TENM1: variants seen among roughly 807,000 people sequenced by gnomAD.
TENM1 encodes the protein teneurin-1.
Under a neutral mutation model 174.8 loss-of-function variants are expected in TENM1, and 35 were observed. The observed-to-expected ratio is 0.20, with a 90% confidence interval of 0.15 to 0.27. The LOEUF is 0.27. TENM1 is among the 10% of genes least tolerant of loss of function. TENM1 has a pLI of 1.00. For missense variants in TENM1, 1,633 were observed against 2,130.1 expected (o/e 0.77, Z 4.59); for synonymous variants, 781 against 798.7 (o/e 0.98, Z 0.37).
In TENM1 at chrX:124,563,731, T is replaced by C. The variant is rs2048878137; in HGVS notation, c.2287+18A>G. 3 of 1,168,209 alleles carry C rather than the reference T, an allele frequency of 2.6e-6. No homozygotes were observed. Among genetic ancestry groups the C allele is most frequent in the Non-Finnish European group, 3.5e-6 (3 of 864,011 alleles). ...TAAAAATATATTTCTGTTATAAAAT[T>C]AGTGAGAAAAATCTTACCTCGGACA... On this transcript the variant is annotated intron_variant, in intron 13 of 31. Coordinates refer to ENST00000422452, the Ensembl canonical transcript of TENM1.
chrX:125,151,081 T>A, the TENM1 span, among the ~76,000 whole-genome samples: 1 of 111,643 alleles, frequency 9.0e-6, no homozygotes, highest in East Asian at 2.8e-4. Flanking sequence ...GGGAAAAAAA[T>A]CAAAATTCCA....
chrX:125,099,663 T>C, the TENM1 span, among the ~76,000 whole-genome samples: 1 of 111,451 alleles, frequency 9.0e-6, no homozygotes, highest in Non-Finnish European at 1.9e-5. Context: ...ATTCTGTGTG[T>C]CTAGAAAGCA....
chrX:125,020,722 A>C, the TENM1 span, among the ~76,000 whole-genome samples: 2 of 110,903 alleles, frequency 1.8e-5, no homozygotes, highest in East Asian at 5.6e-4. Flanking sequence ...ATCCCAATGA[A>C]TCAAATTAAC....
intron 11 of TENM1, among the ~76,000 whole-genome samples, chrX:124,620,911 A>C (rs1043450290): frequency 7.1e-5 from 8 of 112,183 alleles, no homozygotes; most frequent in Non-Finnish European, 1.5e-4. Context: ...GTCACTGAAG[A>C]ATACAGGAGT....
chrX:124,660,860 C>A (rs1278786905), intron 6 of TENM1, among the ~76,000 whole-genome samples: 1 of 111,809 alleles, frequency 8.9e-6, no homozygotes, highest in Non-Finnish European at 1.9e-5. Context: ...TACCATATGA[C>A]CCCGTCATTC....
chrX:124,606,579 G>T (rs1391610176), intron 11 of TENM1, among the ~76,000 whole-genome samples: 1 of 111,415 alleles, frequency 9.0e-6, no homozygotes, highest in East Asian at 2.8e-4. Context: ...TAATGTCTAA[G>T]ATTTTGTCTG....
intron 3 of TENM1, among the ~76,000 whole-genome samples, chrX:124,890,652 G>A (rs182008307): frequency 1.5e-3 from 165 of 110,795 alleles, no homozygotes; most frequent in African/African-American, 5.2e-3. Flanking sequence ...AGTTACAATG[G>A]CTTTTACCCA....
At chrX:124,756,820 C>T (rs1362254108) in intron 3 of TENM1, among the ~76,000 whole-genome samples, 4 of 111,748 alleles carry the variant, frequency 3.6e-5, no homozygotes, top group Admixed American at 1.9e-4. Flanking sequence ...ACGTGAACCG[C>T]GAATGCTGCT....
chrX:124,668,714 G>T (rs942903520), intron 6 of TENM1, among the ~76,000 whole-genome samples: 1 of 109,876 alleles, frequency 9.1e-6, no homozygotes, highest in Admixed American at 9.7e-5. Flanking sequence ...TGGGGGGAGT[G>T]GGGAGGGATA....
At chrX:125,166,621 G>A in the TENM1 span, among the ~76,000 whole-genome samples, 1 of 111,721 alleles carries the variant, frequency 9.0e-6, no homozygotes. Flanking sequence ...ATTTGGATGT[G>A]AAGACTGGTA....
At chrX:125,082,513 T>G in the TENM1 span, among the ~76,000 whole-genome samples, 2 of 111,283 alleles carry the variant, frequency 1.8e-5, no homozygotes, top group Admixed American at 9.6e-5. Context: ...TTTTGTCTAA[T>G]AGTGCATGCT....
intron 1 of TENM1, among the ~76,000 whole-genome samples, chrX:124,916,790 C>T (rs567811563): frequency 1.1e-4 from 12 of 109,825 alleles, no homozygotes; most frequent in Admixed American, 3.9e-4. Context: ...CTCTCTCTCT[C>T]TCTCTCTCTC....
intron 11 of TENM1, among the ~76,000 whole-genome samples, chrX:124,598,304 T>C (rs770034582): frequency 9.0e-6 from 1 of 111,687 alleles, no homozygotes; most frequent in South Asian, 3.8e-4. Context: ...GTACAACCAC[T>C]ATGGAGAACA....
At chrX:124,524,082 G>A (rs1179514175) in intron 16 of TENM1, among the ~76,000 whole-genome samples, 1 of 109,817 alleles carries the variant, frequency 9.1e-6, no homozygotes, top group Non-Finnish European at 1.9e-5. Flanking sequence ...CACCATATTC[G>A]TCAGGTTGTT....
intron 18 of TENM1, among the ~76,000 whole-genome samples, chrX:124,511,203 G>A (rs774014698): frequency 8.0e-5 from 9 of 111,959 alleles, no homozygotes; most frequent in South Asian, 3.7e-4. Context: ...ATTTATTAAC[G>A]TTGATTTTCA....
chrX:125,064,392 T>A, the TENM1 span, among the ~76,000 whole-genome samples: 3 of 111,188 alleles, frequency 2.7e-5, no homozygotes, highest in Non-Finnish European at 5.7e-5. Context: ...AATTCTAATA[T>A]TGAAGCAAGA....
chrX:124,823,652 T>C (rs1603230713), intron 3 of TENM1, among the ~76,000 whole-genome samples: 1 of 110,663 alleles, frequency 9.0e-6, no homozygotes, highest in East Asian at 2.8e-4. Context: ...TAGTTTTTCC[T>C]CGTGAAAAAA....
At chrX:124,754,230 C>A (rs1381736332) in intron 3 of TENM1, among the ~76,000 whole-genome samples, 1 of 111,115 alleles carries the variant, frequency 9.0e-6, no homozygotes, top group Non-Finnish European at 1.9e-5. Flanking sequence ...GTGTATGTGT[C>A]GAGGAATTTA....
intron 3 of TENM1, among the ~76,000 whole-genome samples, chrX:124,875,902 G>A (rs1202558156): frequency 9.6e-6 from 1 of 104,593 alleles, no homozygotes; most frequent in Non-Finnish European, 1.9e-5. Context: ...AATCCTTCTA[G>A]TGCTTCCTCA....
Sources: gnomAD v4.1 joint callset for allele counts (sites outside exome capture counted in the v4.1 genomes callset) on GRCh38, gnomAD v4.1.1 for gene constraint, MANE v1.5 for transcripts, NCBI Gene and HGNC (gene_info 2026-07-23, HGNC 2026-07-21) for gene names.